Variants in SCN9A observed in about 807,000 individuals in gnomAD.
The protein encoded by SCN9A is sodium voltage-gated channel alpha subunit 9.
Under a neutral mutation model 187.0 loss-of-function variants are expected in SCN9A, and 131 were observed. The ratio of observed to expected loss-of-function variants is 0.70; its 90% CI spans 0.61 to 0.81. The LOEUF (loss-of-function observed/expected upper bound fraction) is 0.81. Among genes scored for constraint, SCN9A ranks in the 30% least tolerant of loss-of-function variants. The pLI is 0.00. For synonymous variants in SCN9A, 809 were observed against 808.6 expected, an observed-to-expected ratio of 1.00 and a Z score of -0.01; for missense variants, 2,252 against 2,396.6, an observed-to-expected ratio of 0.94 and a Z score of 1.26.
chr2:166,268,155 A>G (rs755133444), intron 17 of SCN9A, among the ~76,000 whole-genome samples: 8 of 152,028 alleles, frequency 5.3e-5, no homozygotes, highest in African/African-American at 1.7e-4. Context: ...ATTTATGAGA[A>G]TCATATAATC....
At chr2:166,329,802 G>A (rs908959021) in intron 1 of SCN9A, among the ~76,000 whole-genome samples, 1 of 152,118 alleles carries the variant, frequency 6.6e-6, no homozygotes, top group African/African-American at 2.4e-5. Flanking sequence ...GTCAGGGAAG[G>A]AAGATGAGTA....
At chr2:166,242,015 G>A (rs950517487) in intron 19 of SCN9A, among the ~76,000 whole-genome samples, 56 of 152,088 alleles carry the variant, frequency 3.7e-4, no homozygotes, top group Admixed American at 3.3e-3. Context: ...TTTATCTATA[G>A]CTTCTGAGGA....
Position 166,293,380 on chromosome 2 carries a change from C to T in SCN9A, c.966-8G>A, listed in dbSNP as rs199942413. The T allele has an allele frequency of 5.1e-5, 82 of 1,596,480 alleles. No homozygotes were observed. Among genetic ancestry groups the T allele is most frequent in the East Asian group, 1.3e-4 (6 of 44,564 alleles). ...TACCCCTCTGGACACTGACTACACA[C>T]GAGAAAGAACATTATAGGTGAGAGT... On this transcript the variant is annotated splice_region_variant and splice_polypyrimidine_tract_variant and intron_variant, in intron 8 of 26. Coordinates refer to ENST00000642356, the MANE Select transcript of SCN9A (RefSeq NM_001365536.1).
intron 18 of SCN9A, among the ~76,000 whole-genome samples, chr2:166,245,014 G>GT (rs1212045182): frequency 1.3e-5 from 2 of 151,964 alleles, no homozygotes; most frequent in African/African-American, 2.4e-5. Flanking sequence ...TTGAAATTCT[G>GT]TTTTTTGATT....
At chr2:166,321,073 C>T (rs913047044) in intron 1 of SCN9A, among the ~76,000 whole-genome samples, 2 of 152,130 alleles carry the variant, frequency 1.3e-5, no homozygotes, top group African/African-American at 4.8e-5. Flanking sequence ...AGTACACATA[C>T]ATCAATGACC....
In SCN9A at chr2:166,265,184, T is replaced by C. The variant is rs73021672; in HGVS notation, c.3351+7215A>G. Among the ~76,000 whole-genome samples, 1,488 of 151,984 alleles carry C rather than the reference T, an allele frequency of 9.8e-3. 27 individuals are homozygous for C. The highest frequency in any genetic ancestry group is 0.033 in the African/African-American group (1,381 of 41,526). ...TTCTTTCTATCTCACTGTAGCTTTG[T>C]ACCTGTTGACCAATCTTTCCCCACA... On this transcript the variant is annotated intron_variant, in intron 17 of 26. Transcript: ENST00000642356.
At chr2:166,282,645 G>A (rs994072309) in intron 12 of SCN9A, among the ~76,000 whole-genome samples, 2 of 152,062 alleles carry the variant, frequency 1.3e-5, no homozygotes, top group African/African-American at 4.8e-5. Context: ...CTGCTTGTGT[G>A]TGGTATGTGG....
At chr2:166,254,639 C>T (rs1161210125) in intron 17 of SCN9A, among the ~76,000 whole-genome samples, 1 of 151,428 alleles carries the variant, frequency 6.6e-6, no homozygotes, top group Middle Eastern at 3.4e-3. Context: ...ATCTTCATTT[C>T]TTTAAACTCA....
intron 1 of SCN9A, among the ~76,000 whole-genome samples, chr2:166,374,209 G>A (rs975293586): frequency 2.0e-5 from 3 of 152,166 alleles, no homozygotes; most frequent in African/African-American, 7.2e-5. Flanking sequence ...AGGAATCAAG[G>A]CATATCATAT....
chr2:166,331,889 C>A (rs956503108), intron 1 of SCN9A, among the ~76,000 whole-genome samples: 1 of 151,930 alleles, frequency 6.6e-6, no homozygotes, highest in East Asian at 1.9e-4. Context: ...ATGATATGAC[C>A]TAATTATATG....
chr2:166,340,837 G>A (rs893899006), intron 1 of SCN9A, among the ~76,000 whole-genome samples: 1 of 151,724 alleles, frequency 6.6e-6, no homozygotes, highest in Admixed American at 6.6e-5. Context: ...TGCCCCGGCT[G>A]GTCTTGAACT....
intron 7 of SCN9A, among the ~76,000 whole-genome samples, chr2:166,299,037 A>G (rs1209881366): frequency 6.6e-6 from 1 of 152,118 alleles, no homozygotes; most frequent in Non-Finnish European, 1.5e-5. Context: ...TCATCTTTTG[A>G]TAACTCTGCA....
chr2:166,235,261 A>C (rs1374152845), intron 20 of SCN9A, among the ~76,000 whole-genome samples: 1 of 151,884 alleles, frequency 6.6e-6, no homozygotes, highest in Non-Finnish European at 1.5e-5. Flanking sequence ...TATGACACGG[A>C]ATATATGCAT....
chr2:166,304,427 T>C (rs1698684539), intron 5 of SCN9A, 98 bp from the exon 6 acceptor site: 1 of 980,976 alleles, frequency 1.0e-6, no homozygotes, highest in Admixed American at 2.3e-5. Flanking sequence ...GGGCTTCTAT[T>C]TTAAATGTAT....
At chr2:166,257,098 G>A (rs907635651) in intron 17 of SCN9A, among the ~76,000 whole-genome samples, 4 of 151,512 alleles carry the variant, frequency 2.6e-5, no homozygotes, top group Non-Finnish European at 1.5e-5. Context: ...GATATTCAAG[G>A]GCTCTCTCTG....
Position 166,199,049 on chromosome 2 carries a change from C to A in SCN9A, c.5590G>T (p.Glu1864Ter), listed in dbSNP as rs761344025. ...GGATTTGCAGACATGAACCTTTCTT[C>A]CATCTGTGAACGAAGAGAATCCATC... is the stretch of plus-strand genomic sequence containing the variant. ...GEMDSLRSQMEERFMSANPSK... is the reference protein window; with the variant it reads ...GEMDSLRSQM Residue 1864 changes from glutamate to a stop codon, truncating the protein, a stop_gained, in exon 27 of 27, where the codon GAA (glutamate) becomes TAA (stop). Transcript: ENST00000642356. LOFTEE classifies it high-confidence loss of function. The A allele has an allele frequency of 1.2e-6, 2 of 1,614,134 alleles. No homozygotes were observed. Among genetic ancestry groups the A allele is most frequent in the Admixed American group, 3.3e-5 (2 of 60,022 alleles).
At chr2:166,288,105 A>ATG (rs1462066131) in intron 10 of SCN9A, among the ~76,000 whole-genome samples, 1 of 123,214 alleles carries the variant, frequency 8.1e-6, no homozygotes, top group Non-Finnish European at 1.7e-5. Flanking sequence ...ATATATATAT[A>ATG]TATATATATA....
At chr2:166,308,496 T>C (rs1698830774) in intron 2 of SCN9A, among the ~76,000 whole-genome samples, 2 of 152,310 alleles carry the variant, frequency 1.3e-5, no homozygotes, top group South Asian at 4.1e-4. Context: ...AGATGTGCCT[T>C]GCTTCCCCTT....
At chr2:166,345,763 C>T (rs1158764073) in intron 1 of SCN9A, among the ~76,000 whole-genome samples, 2 of 152,170 alleles carry the variant, frequency 1.3e-5, no homozygotes, top group Non-Finnish European at 2.9e-5. Context: ...TTATATTTTC[C>T]GCTACTACTA....
Sources: gnomAD v4.1 joint callset for allele counts (sites outside exome capture counted in the v4.1 genomes callset) on GRCh38, gnomAD v4.1.1 for gene constraint, MANE v1.5 for transcripts, NCBI Gene and HGNC (gene_info 2026-07-23, HGNC 2026-07-21) for gene names.